Variants in CWC22 observed in about 807,000 individuals in gnomAD.
The protein encoded by CWC22 is pre-mRNA-splicing factor CWC22 homolog.
A neutral mutation model predicts 117.2 loss-of-function variants in CWC22; 53 were observed. The ratio of observed to expected loss-of-function variants is 0.45; its 90% CI spans 0.36 to 0.57. CWC22 has a LOEUF of 0.57. Ranked by LOEUF, CWC22 falls within the 20% of genes least tolerant of loss-of-function variation. CWC22 has a pLI of 0.00. For missense variants in CWC22, 980 were observed against 1,068.8 expected (o/e 0.92, Z 1.16); for synonymous variants, 360 against 355.6 (o/e 1.01, Z -0.14).
chr2:179,999,392 A>G (rs1687790180), intron 1 of CWC22, among the ~76,000 whole-genome samples: 1 of 152,184 alleles, frequency 6.6e-6, no homozygotes, highest in Admixed American at 6.5e-5. Flanking sequence ...CGAAGAAAGG[A>G]TATTTTCCAA....
chr2:179,984,508 CA>C (rs1227711503), intron 4 of CWC22, among the ~76,000 whole-genome samples: 2 of 151,910 alleles, frequency 1.3e-5, no homozygotes, highest in Non-Finnish European at 2.9e-5. Context: ...TGCTTAGCTC[CA>C]AACTCCAAAC....
intron 19 of CWC22, 148 bp from the exon 20 acceptor site, chr2:179,945,863 A>T: frequency 1.7e-6 from 1 of 583,876 alleles, no homozygotes; most frequent in East Asian, 2.9e-5. Flanking sequence ...GTCTGATGAC[A>T]CAGAGTCTTA....
chr2:179,970,330 T>C (rs1486455286), intron 11 of CWC22, among the ~76,000 whole-genome samples, 171 bp downstream of exon 11: 1 of 152,014 alleles, frequency 6.6e-6, no homozygotes, highest in African/African-American at 2.4e-5. Flanking sequence ...TAAAAAACCC[T>C]GGGCAAGCAC....
intron 13 of CWC22, among the ~76,000 whole-genome samples, chr2:179,963,299 T>C (rs1000675245): frequency 6.6e-5 from 10 of 151,812 alleles, no homozygotes; most frequent in African/African-American, 2.2e-4. Context: ...TATTTCTCAC[T>C]TTTCACTTTA....
At chr2:179,989,884 A>C in intron 2 of CWC22, among the ~76,000 whole-genome samples, 1 of 152,192 alleles carries the variant, frequency 6.6e-6, no homozygotes, top group Admixed American at 6.5e-5. Context: ...AAACTAAATC[A>C]AACAATGAAT....
intron 13 of CWC22, among the ~76,000 whole-genome samples, chr2:179,959,609 C>T (rs1686694439): frequency 6.6e-6 from 1 of 152,046 alleles, no homozygotes; most frequent in Non-Finnish European, 1.5e-5. Context: ...CTAGATGGTA[C>T]AATCTAATAT....
intron 15 of CWC22, 126 bp downstream of exon 15, chr2:179,954,831 A>G: frequency 1.6e-6 from 1 of 619,362 alleles, no homozygotes; most frequent in South Asian, 2.1e-5. Flanking sequence ...AACCTGAGGA[A>G]GGAGAGAATA....
At chr2:179,968,854 C>A (rs1263377402) in intron 11 of CWC22, among the ~76,000 whole-genome samples, 1 of 152,084 alleles carries the variant, frequency 6.6e-6, no homozygotes, top group Non-Finnish European at 1.5e-5. Context: ...GCATGAGCCA[C>A]CATGCCCGGC....
intron 11 of CWC22, among the ~76,000 whole-genome samples, chr2:179,970,096 A>G (rs772502272): frequency 2.6e-5 from 4 of 152,288 alleles, no homozygotes; most frequent in Non-Finnish European, 5.9e-5. Context: ...TCCTACCAGA[A>G]GGATATTAAC....
intron 5 of CWC22, among the ~76,000 whole-genome samples, chr2:179,980,419 ATT>A (rs34435290): frequency 5.9e-5 from 8 of 136,500 alleles, no homozygotes; most frequent in Non-Finnish European, 7.7e-5. Context: ...GACATTTCTT[ATT>A]TTTTTTTTTT....
At chr2:179,974,709 T>G (rs1233740971) in intron 6 of CWC22, among the ~76,000 whole-genome samples, 1 of 152,156 alleles carries the variant, frequency 6.6e-6, no homozygotes, top group Non-Finnish European at 1.5e-5. Flanking sequence ...ATCAACTTTC[T>G]CTACCTCTAA....
At chr2:179,951,035 C>T (rs1686434084) in intron 17 of CWC22, 109 bp from the exon 18 acceptor site, 2 of 678,932 alleles carry the variant, frequency 2.9e-6, no homozygotes, top group Non-Finnish European at 5.0e-6. Flanking sequence ...AAATGAAATA[C>T]AACCAAGTAA....
intron 4 of CWC22, among the ~76,000 whole-genome samples, chr2:179,982,753 A>G (rs1169174012): frequency 6.6e-6 from 1 of 152,180 alleles, no homozygotes; most frequent in Non-Finnish European, 1.5e-5. Flanking sequence ...CAATCAAGGT[A>G]CAGTTCTCTG....
rs1290227416 is a variant in CWC22 at position 179,955,125 on chromosome 2, T to C, written c.1459-91A>G. The C allele has an allele frequency of 5.5e-6, 5 of 915,264 alleles. No homozygotes were observed. The African/African-American group carries it at 8.4e-5, about 15-fold the overall frequency. 56.7% of individuals were successfully genotyped at this position (915,264 alleles called of 1,614,324 possible). On this transcript the variant is annotated intron_variant, in intron 14 of 19. Coordinates refer to ENST00000410053, the MANE Select transcript of CWC22 (RefSeq NM_020943.3). Reference sequence around the variant, plus strand: ...CAGTATGATAGTGACTGCCTGCATTTTTAAATAAGGGTTTAAAACAGTTCA... The same window carrying C: ...CAGTATGATAGTGACTGCCTGCATTCTTAAATAAGGGTTTAAAACAGTTCA...
chr2:179,974,883 C>A (rs1687119689), intron 6 of CWC22, among the ~76,000 whole-genome samples: 1 of 152,074 alleles, frequency 6.6e-6, no homozygotes, highest in African/African-American at 2.4e-5. Context: ...TCCGGAGGAG[C>A]TGGGACTACT....
At position 179,979,300 on chromosome 2, in the gene CWC22, T is replaced by C. The variant is rs577625252; in HGVS notation, c.453-982A>G. Among the ~76,000 whole-genome samples the C allele has an allele frequency of 2.3e-4, 35 of 152,304 alleles. No individual in the cohort carries two copies. In the South Asian group the frequency reaches 6.6e-3, roughly 29 times the overall value. On this transcript the variant is annotated intron_variant, in intron 5 of 19. Coordinates refer to ENST00000410053, the MANE Select transcript of CWC22 (RefSeq NM_020943.3). ...ACACATTAAACAAGAACTGGCAGTATGCTTAATAACTACTTAAATTTCTAA... is the reference window on the plus strand; with the variant it reads ...ACACATTAAACAAGAACTGGCAGTACGCTTAATAACTACTTAAATTTCTAA...
intron 14 of CWC22, among the ~76,000 whole-genome samples, chr2:179,958,330 CAAA>C (rs11453659): frequency 3.2e-5 from 3 of 92,798 alleles, no homozygotes; most frequent in African/African-American, 4.6e-5. Flanking sequence ...GACTCTGGCT[CAAA>C]AAAAAAAAAA....
intron 6 of CWC22, among the ~76,000 whole-genome samples, chr2:179,977,798 A>G (rs1201976585): frequency 1.3e-5 from 2 of 152,216 alleles, no homozygotes; most frequent in African/African-American, 4.8e-5. Context: ...CATATATATC[A>G]AAACATCATG....
At position 179,960,044 on chromosome 2, in the gene CWC22, T is replaced by A. The variant is rs532656648; in HGVS notation, c.1398-962A>T. Among the ~76,000 whole-genome samples, 24 of 152,228 alleles carry A rather than the reference T, an allele frequency of 1.6e-4. 1 individual carries two copies. In the East Asian group the frequency reaches 4.6e-3, roughly 29 times the overall value. The stretch of plus-strand genomic sequence containing the variant: ...TCTTCATTTTAAGAAACAAAACACA[T>A]GATGTGTAAGTTTCTCTCATTTCTG... On this transcript the variant is annotated intron_variant, in intron 13 of 19. Transcript: ENST00000410053.
Sources: allele counts gnomAD v4.1 joint callset (sites outside exome capture counted in the v4.1 genomes callset), GRCh38; gene constraint gnomAD v4.1.1; transcripts MANE v1.5; gene names NCBI Gene and HGNC (gene_info 2026-07-23, HGNC 2026-07-21).